CRIM1: variants seen among roughly 807,000 people sequenced by gnomAD.
The protein encoded by CRIM1 is cysteine rich transmembrane BMP regulator 1.
A neutral mutation model predicts 116.4 loss-of-function variants in CRIM1; 32 were observed. The observed-to-expected ratio is 0.27, with a 90% CI of 0.21 to 0.37. CRIM1 has a LOEUF of 0.37. Among genes scored for constraint, CRIM1 ranks in the 10% least tolerant of loss-of-function variants. The pLI, the probability that CRIM1 is intolerant of heterozygous loss-of-function variation, is 1.00. For missense variants in CRIM1, 1,331 were observed against 1,354.8 expected, an observed-to-expected ratio of 0.98 and a Z score of 0.28; for synonymous variants, 590 against 509.2, an observed-to-expected ratio of 1.16 and a Z score of -2.13.
At chr2:36,383,975 TA>T (rs1159051962) in intron 1 of CRIM1, among the ~76,000 whole-genome samples, 1 of 152,198 alleles carries the variant, frequency 6.6e-6, no homozygotes, top group Non-Finnish European at 1.5e-5. Flanking sequence ...CAAAAATTCT[TA>T]CCAACTGGAG....
chr2:36,443,571 A>T (rs768351903), intron 4 of CRIM1, among the ~76,000 whole-genome samples: 2 of 152,138 alleles, frequency 1.3e-5, no homozygotes, highest in African/African-American at 4.8e-5. Flanking sequence ...GTTTAATAGG[A>T]TGAGTTAAAA....
At chr2:36,425,778 A>C (rs955413064) in intron 2 of CRIM1, among the ~76,000 whole-genome samples, 2 of 152,214 alleles carry the variant, frequency 1.3e-5, no homozygotes, top group Admixed American at 6.5e-5. Flanking sequence ...GTTATTGCTA[A>C]ATACGAATAA....
rs572813764 is a variant in CRIM1, at chr2:36,531,404, G to GT, written c.2429-5935dup. Among the ~76,000 whole-genome samples the GT allele has an allele frequency of 9.0e-3, 1,289 of 142,538 alleles. 10 individuals carry two copies. The highest frequency in any genetic ancestry group is 0.012 in the Non-Finnish European group (799 of 64,678). 93.5% of individuals were successfully genotyped at this position (142,538 alleles called of 152,430 possible). A position where few individuals can be genotyped will look rare whatever the true frequency, so the allele number is the denominator to read the frequency against. ...ATGCGTTTTTGGTTTTTGGTTTTTT[G>GT]TTTTTTTTTTTTTCCAGAGGCTCAT... On this transcript the variant is annotated intron_variant, in intron 13 of 16. Coordinates refer to ENST00000280527, the MANE Select transcript of CRIM1 (RefSeq NM_016441.3).
intron 7 of CRIM1, among the ~76,000 whole-genome samples, chr2:36,490,146 G>A (rs1055676633): frequency 2.0e-5 from 3 of 152,116 alleles, no homozygotes; most frequent in Non-Finnish European, 4.4e-5. Context: ...GTGCATTTGA[G>A]GTCTGTGAAA....
At position 36,390,771 on chromosome 2, in the gene CRIM1, T is replaced by C. The variant is rs116579010; in HGVS notation, c.332-5843T>C. On this transcript the variant is annotated intron_variant, in intron 1 of 16. Coordinates refer to ENST00000280527, the MANE Select transcript of CRIM1 (RefSeq NM_016441.3). ...TTTCTTCAGGTCTTCCATATACTGG[T>C]AAGACTTAACTGTGAGAAAACTTGC... Among the ~76,000 whole-genome samples the C allele has an allele frequency of 6.1e-3, 930 of 152,206 alleles. 9 individuals are homozygous for C. The highest frequency in any genetic ancestry group is 5.9e-3 in the Admixed American group (90 of 15,296).
intron 2 of CRIM1, among the ~76,000 whole-genome samples, chr2:36,437,780 C>T (rs148585589): frequency 2.0e-5 from 3 of 152,226 alleles, no homozygotes; most frequent in East Asian, 1.9e-4. Flanking sequence ...TCTTCAGGCT[C>T]GAACTGCAAA....
intron 2 of CRIM1, among the ~76,000 whole-genome samples, chr2:36,401,289 A>G (rs1403628775): frequency 6.6e-6 from 1 of 152,224 alleles, no homozygotes; most frequent in Admixed American, 6.5e-5. Context: ...TGTTAAAAAT[A>G]TAAAGGAAAT....
At chr2:36,437,104 G>A (rs558781771) in intron 2 of CRIM1, among the ~76,000 whole-genome samples, 2 of 152,218 alleles carry the variant, frequency 1.3e-5, no homozygotes, top group Non-Finnish European at 2.9e-5. Context: ...GGCTGGGCAC[G>A]GTGGCGCACG....
intron 4 of CRIM1, among the ~76,000 whole-genome samples, chr2:36,459,502 C>T (rs77819918): frequency 2.6e-4 from 40 of 152,128 alleles, no homozygotes; most frequent in African/African-American, 9.2e-4. Context: ...TAAGACATGC[C>T]CCCTGCACTA....
At chr2:36,545,075 T>C (rs1165771545) in intron 15 of CRIM1, among the ~76,000 whole-genome samples, 2 of 152,216 alleles carry the variant, frequency 1.3e-5, no homozygotes, top group African/African-American at 4.8e-5. Flanking sequence ...TATTTCCTTT[T>C]CTATAAAAGT....
intron 2 of CRIM1, among the ~76,000 whole-genome samples, chr2:36,403,543 A>C (rs1291766784): frequency 6.6e-6 from 1 of 152,166 alleles, no homozygotes; most frequent in Non-Finnish European, 1.5e-5. Context: ...AGGAGAGTTT[A>C]AGAGCAGCCT....
intron 5 of CRIM1, among the ~76,000 whole-genome samples, chr2:36,474,651 A>G (rs1678812250): frequency 3.3e-5 from 5 of 151,992 alleles, no homozygotes; most frequent in Admixed American, 3.3e-4. Context: ...AGGTCAGAGG[A>G]GTTCAAGACC....
intron 5 of CRIM1, among the ~76,000 whole-genome samples, chr2:36,470,849 AAATC>A (rs749805099): frequency 5.9e-5 from 9 of 152,160 alleles, no homozygotes; most frequent in Non-Finnish European, 1.0e-4. Flanking sequence ...GATCAGAACT[AAATC>A]AATTGAAAAC....
chr2:36,443,839 G>A (rs766139978), intron 4 of CRIM1, among the ~76,000 whole-genome samples: 1 of 152,114 alleles, frequency 6.6e-6, no homozygotes, highest in East Asian at 1.9e-4. Context: ...CCTAGCCTTT[G>A]TTCTGTCAAA....
At chr2:36,485,615 G>C (rs1021702151) in intron 7 of CRIM1, among the ~76,000 whole-genome samples, 41 of 152,148 alleles carry the variant, frequency 2.7e-4, no homozygotes, top group Non-Finnish European at 5.9e-4. Flanking sequence ...TGCCCATAAT[G>C]CTTCCTCACT....
intron 1 of CRIM1, among the ~76,000 whole-genome samples, chr2:36,364,565 C>T (rs887812263): frequency 6.6e-6 from 1 of 152,288 alleles, no homozygotes; most frequent in Middle Eastern, 3.4e-3. Flanking sequence ...ACAAGAAAGA[C>T]CTGAGGGTCT....
chr2:36,395,372 C>A (rs1262391841), intron 1 of CRIM1, among the ~76,000 whole-genome samples: 1 of 152,118 alleles, frequency 6.6e-6, no homozygotes, highest in African/African-American at 2.4e-5. Flanking sequence ...TTCTTAAATT[C>A]AGGTACTTTA....
intron 4 of CRIM1, among the ~76,000 whole-genome samples, chr2:36,452,356 T>G (rs1248766217): frequency 6.6e-6 from 1 of 152,200 alleles, no homozygotes; most frequent in East Asian, 1.9e-4. Flanking sequence ...GAAAAAAATT[T>G]GGAAGTGTAT....
At chr2:36,404,919 A>G (rs920464023) in intron 2 of CRIM1, among the ~76,000 whole-genome samples, 3 of 152,050 alleles carry the variant, frequency 2.0e-5, no homozygotes, top group Non-Finnish European at 4.4e-5. Context: ...TTCCATTTTT[A>G]GTTTTTTACA....
Sources: gnomAD v4.1 joint callset for allele counts (sites outside exome capture counted in the v4.1 genomes callset) on GRCh38, gnomAD v4.1.1 for gene constraint, MANE v1.5 for transcripts, NCBI Gene and HGNC (gene_info 2026-07-23, HGNC 2026-07-21) for gene names.